Variants in UBE2Z observed in about 807,000 individuals in gnomAD.
The protein encoded by UBE2Z is ubiquitin-conjugating enzyme E2 Z.
A neutral mutation model predicts 32.6 loss-of-function variants in UBE2Z; 10 were observed. The observed-to-expected ratio is 0.31, with a 90% CI of 0.19 to 0.52. The LOEUF (loss-of-function observed/expected upper bound fraction) is 0.52. UBE2Z is among the 20% of genes least tolerant of loss of function. UBE2Z has a pLI of 0.97. For synonymous variants in UBE2Z, 183 were observed against 190.8 expected (o/e 0.96, Z 0.34); for missense variants, 343 against 480.9 (o/e 0.71, Z 2.68).
intron 3 of UBE2Z, among the ~76,000 whole-genome samples, chr17:48,913,937 A>G (rs557447055): frequency 8.6e-5 from 13 of 151,940 alleles, no homozygotes; most frequent in African/African-American, 2.4e-4. Context: ...GTATCTCACT[A>G]TGTTGCCCAG....
At position 48,908,740 on chromosome 17, in the gene UBE2Z, G is replaced by A. The variant is rs761005750; in HGVS notation, c.237G>A (p.Leu79=). The part of the protein sequence containing the change: ...PPSAAAHGAA[L]LSHWDPTLSS... ...CAGCCGCTGCCCACGGGGCCGCGCT[G>A]CTTAGCCACTGGGACCCCACGCTCA... The change falls in exon 1 of 7, where the codon CTG becomes CTA. Residue 79 remains leucine, a synonymous_variant. Coordinates refer to ENST00000360943, the MANE Select transcript of UBE2Z (RefSeq NM_023079.5). The A allele has an allele frequency of 2.0e-6, 3 of 1,486,536 alleles. No individual in the cohort carries two copies. Among genetic ancestry groups the A allele is most frequent in the Non-Finnish European group, 2.7e-6 (3 of 1,122,598 alleles). 92.1% of individuals were successfully genotyped at this position (1,486,536 alleles called of 1,614,324 possible). A position where few individuals can be genotyped will look rare whatever the true frequency, so the allele number is the denominator to read the frequency against.
chr17:48,923,003 C>A, intron 6 of UBE2Z, 66 bp downstream of exon 6: 1 of 1,413,202 alleles, frequency 7.1e-7, no homozygotes, highest in Non-Finnish European at 9.8e-7. Context: ...CCCCCACAAG[C>A]GTGGCATCGA....
At chr17:48,908,960 A>G in intron 1 of UBE2Z, 140 bp downstream of exon 1, 1 of 501,576 alleles carries the variant, frequency 2.0e-6, no homozygotes, top group Non-Finnish European at 3.1e-6. Flanking sequence ...AAATCTTGCC[A>G]GCTCCGGGCG....
intron 4 of UBE2Z, among the ~76,000 whole-genome samples, chr17:48,917,865 G>A (rs914895039): frequency 1.3e-5 from 2 of 152,182 alleles, no homozygotes; most frequent in African/African-American, 4.8e-5. Context: ...AATTACTCAT[G>A]AGCACGGGAA....
At chr17:48,909,515 C>G (rs1245839318) in intron 1 of UBE2Z, among the ~76,000 whole-genome samples, 1 of 151,070 alleles carries the variant, frequency 6.6e-6, no homozygotes, top group Non-Finnish European at 1.5e-5. Context: ...ATATCCCACT[C>G]AGGAGCTTCT....
chr17:48,923,337 A>T (rs55933906), intron 6 of UBE2Z, among the ~76,000 whole-genome samples: 10 of 88,216 alleles, frequency 1.1e-4, no homozygotes, highest in South Asian at 4.4e-4. Context: ...AAAAAAAAAA[A>T]AAAAAAAAAA....
In UBE2Z at chr17:48,916,168, A is replaced by G. The variant is rs1262155132; in HGVS notation, c.671A>G (p.Asn224Ser). 1.3e-6 allele frequency: 2 copies of G among 1,576,698 alleles called. No individual in the cohort carries two copies. The highest frequency in any genetic ancestry group is 1.4e-5 in the African/African-American group (1 of 72,194). The change falls in exon 4 of 7, where the codon AAT (asparagine) becomes AGT (serine). Residue 224 changes from asparagine to serine, a missense_variant. By Grantham distance (46) the Asn-to-Ser change is conservative. Around this residue, in one of 4 missense-constraint regions of UBE2Z, gnomAD observed 182 missense variants for 312.4 expected, o/e 0.58. Transcript: ENST00000360943. The stretch of plus-strand genomic sequence containing the variant: ...CTGATGACTGAGAACCCCTATCACA[A>G]TGAGCCCGGCTTTGAACAGGTAAGG... ...QSLMTENPYH[N>S]EPGFEQERHP... is the part of the protein sequence containing the mutation.
chr17:48,912,721 T>C, intron 2 of UBE2Z, 113 bp from the exon 3 acceptor site: 3 of 1,088,488 alleles, frequency 2.8e-6, no homozygotes, highest in Non-Finnish European at 4.1e-6. Flanking sequence ...ATATAGAACA[T>C]GTGTACCAGA....
At position 48,916,074 on chromosome 17, in the gene UBE2Z, A is replaced by G. The variant is rs112268098; in HGVS notation, c.579-2A>G. 1 of 1,585,886 alleles carries G rather than the reference A, an allele frequency of 6.3e-7. No homozygotes were observed. The highest frequency in any genetic ancestry group is 8.6e-7 in the Non-Finnish European group (1 of 1,168,986). On this transcript the variant is annotated splice_acceptor_variant, in intron 3 of 6. Transcript: ENST00000360943. LOFTEE classifies it high-confidence loss of function. The stretch of plus-strand genomic sequence containing the variant: ...CCTCCATTCCTTCTGATGTGTTTAC[A>G]GTACATGGACTGGACCTGCCTGGAG...
chr17:48,920,743 T>C (rs1193970409), intron 4 of UBE2Z, among the ~76,000 whole-genome samples: 2 of 152,140 alleles, frequency 1.3e-5, no homozygotes, highest in African/African-American at 4.8e-5. Context: ...TTGTCTAGGC[T>C]GAACCCAAAC....
intron 4 of UBE2Z, 135 bp from the exon 5 acceptor site, chr17:48,921,025 C>G: frequency 1.5e-6 from 1 of 648,784 alleles, no homozygotes; most frequent in Non-Finnish European, 2.7e-6. Context: ...CTTCATGGAT[C>G]TGCCATACAG....
At chr17:48,921,028 C>T in intron 4 of UBE2Z, 132 bp from the exon 5 acceptor site, 1 of 672,938 alleles carries the variant, frequency 1.5e-6, no homozygotes, top group Non-Finnish European at 2.6e-6. Flanking sequence ...CATGGATCTG[C>T]CATACAGTGG....
intron 6 of UBE2Z, among the ~76,000 whole-genome samples, chr17:48,925,824 G>C (rs535199654): frequency 6.6e-6 from 1 of 152,326 alleles, no homozygotes; most frequent in East Asian, 1.9e-4. Flanking sequence ...TGTAGTCCCA[G>C]TGACAGTGAC....
Position 48,916,185 on chromosome 17 carries a change from C to A in UBE2Z, c.688C>A (p.Gln230Lys). The change falls in exon 4 of 7, where the codon CAG (glutamine) becomes AAG (lysine). Residue 230 changes from glutamine to lysine, a missense_variant and splice_region_variant. Transcript: ENST00000360943. The part of the protein sequence containing the change: ...NPYHNEPGFE[Q>K]ERHPGDSKNY... ...CTATCACAATGAGCCCGGCTTTGAA[C>A]AGGTAAGGCCAGATGGGCCTGGCTC... The A allele has an allele frequency of 6.5e-7, 1 of 1,546,814 alleles. No individual in the cohort carries two copies. Among genetic ancestry groups the A allele is most frequent in the South Asian group, 1.2e-5 (1 of 80,944 alleles).
rs1311904611 is a variant in UBE2Z, at chr17:48,923,097, G to T, written c.894+160G>T. 14 of 533,278 alleles carry T rather than the reference G, an allele frequency of 2.6e-5. No homozygotes were observed. In the South Asian group the frequency reaches 3.2e-4, roughly 12 times the overall value. 33.0% of individuals were successfully genotyped at this position (533,278 alleles called of 1,614,324 possible). A position where few individuals can be genotyped will look rare whatever the true frequency, so the allele number is the denominator to read the frequency against. ...AGCACTTTGGGAGGCCAAGGCGGGC[G>T]GATCACGAGGTCGGGAAATTGAGAC... is the stretch of plus-strand genomic sequence containing the variant. On this transcript the variant is annotated intron_variant, in intron 6 of 6. Transcript: ENST00000360943.
intron 3 of UBE2Z, among the ~76,000 whole-genome samples, chr17:48,914,883 TGGTGGC>T (rs1478042306): frequency 6.6e-6 from 1 of 152,088 alleles, no homozygotes; most frequent in Non-Finnish European, 1.5e-5. Flanking sequence ...TAGCCAGGCA[TGGTGGC>T]GCATGCCTCT....
chr17:48,908,449 G>A lies in UBE2Z; in HGVS notation c.-55G>A. 1.6e-6 allele frequency: 2 copies of A among 1,218,650 alleles called. No individual in the cohort carries two copies. Among genetic ancestry groups the A allele is most frequent in the Non-Finnish European group, 2.0e-6 (2 of 977,532 alleles). The allele number at this position is 1,218,650 out of a possible 1,614,324, so 75.5% of individuals were successfully genotyped here. ...GGTGGTGCGGGAGCGGGCGGGAGCA[G>A]CGGCCGCTCTGGTCGGCGGACGTGC... On this transcript the variant is annotated 5_prime_UTR_variant, in exon 1 of 7. Transcript: ENST00000360943.
At chr17:48,926,289 G>T (rs2040797578) in intron 6 of UBE2Z, among the ~76,000 whole-genome samples, 1 of 152,212 alleles carries the variant, frequency 6.6e-6, no homozygotes, top group African/African-American at 2.4e-5. Context: ...TTTACCTTCT[G>T]TGGTTTTTAT....
intron 6 of UBE2Z, 85 bp from the exon 7 acceptor site, chr17:48,926,879 C>A (rs1446616184): frequency 1.4e-6 from 2 of 1,439,382 alleles, no homozygotes; most frequent in African/African-American, 1.4e-5. Context: ...GTTGAGCTTT[C>A]ATTTCACATG....
Sources: allele counts gnomAD v4.1 joint callset (sites outside exome capture counted in the v4.1 genomes callset), GRCh38; gene constraint gnomAD v4.1.1; regional missense constraint gnomAD v4.1.1; transcripts MANE v1.5; gene names NCBI Gene and HGNC (gene_info 2026-07-23, HGNC 2026-07-21).